Variants in KCNC2 observed in about 807,000 individuals in gnomAD.
KCNC2 encodes the protein voltage-gated potassium channel KCNC2.
KCNC2 carries 21 observed loss-of-function variants against 44.5 expected under a neutral mutation model. The observed-to-expected ratio is 0.47, with a 90% CI of 0.33 to 0.68. KCNC2 has a LOEUF of 0.68. KCNC2 is among the 30% of genes least tolerant of loss of function. The probability of loss-of-function intolerance (pLI) is 0.01; values close to 1 mark genes in which losing one functional copy is unlikely to be tolerated. For synonymous variants in KCNC2, 391 were observed against 339.1 expected (o/e 1.15, Z -1.68); for missense variants, 589 against 826.2 (o/e 0.71, Z 3.52).
chr12:75,153,555 A>G (rs1890554963), intron 2 of KCNC2, among the ~76,000 whole-genome samples: 1 of 151,854 alleles, frequency 6.6e-6, no homozygotes, highest in Non-Finnish European at 1.5e-5. Context: ...CTAAAAGCCC[A>G]GTCTTCACCA....
intron 2 of KCNC2, among the ~76,000 whole-genome samples, chr12:75,190,648 G>A (rs2030116911): frequency 6.6e-6 from 1 of 151,976 alleles, no homozygotes; most frequent in South Asian, 2.1e-4. Flanking sequence ...AGATATCCTC[G>A]GATATATGAA....
At chr12:75,071,486 A>T (rs1429549231) in intron 2 of KCNC2, among the ~76,000 whole-genome samples, 1 of 152,192 alleles carries the variant, frequency 6.6e-6, no homozygotes, top group African/African-American at 2.4e-5. Context: ...ATTGATAATT[A>T]TCCTATATCC....
chr12:75,174,544 G>C (rs966783582), intron 2 of KCNC2, among the ~76,000 whole-genome samples: 2 of 151,860 alleles, frequency 1.3e-5, no homozygotes, highest in Non-Finnish European at 2.9e-5. Flanking sequence ...GTCTGAAAAT[G>C]TTCCATATGT....
At chr12:75,087,298 T>C (rs1885108627) in intron 2 of KCNC2, among the ~76,000 whole-genome samples, 1 of 152,098 alleles carries the variant, frequency 6.6e-6, no homozygotes, top group Non-Finnish European at 1.5e-5. Context: ...AGGATACCTA[T>C]CTCTAATCAC....
intron 2 of KCNC2, among the ~76,000 whole-genome samples, chr12:75,122,160 C>T (rs534032847): frequency 1.2e-3 from 178 of 152,260 alleles, no homozygotes; most frequent in South Asian, 5.4e-3. Context: ...ACAGTGGAGA[C>T]ATCTCTGCCC....
At chr12:75,150,415 T>C (rs565663143) in intron 2 of KCNC2, among the ~76,000 whole-genome samples, 5 of 151,850 alleles carry the variant, frequency 3.3e-5, no homozygotes. Flanking sequence ...TCTTGATTTA[T>C]TTACTTGGTG....
intron 2 of KCNC2, among the ~76,000 whole-genome samples, chr12:75,150,820 T>G (rs1359931132): frequency 6.6e-6 from 1 of 151,916 alleles, no homozygotes; most frequent in Non-Finnish European, 1.5e-5. Flanking sequence ...AACTAGATTT[T>G]TCTTTATATC....
chr12:75,159,618 T>C (rs1890990521), intron 2 of KCNC2, among the ~76,000 whole-genome samples: 1 of 151,874 alleles, frequency 6.6e-6, no homozygotes, highest in African/African-American at 2.4e-5. Context: ...TTAAACTCAA[T>C]TTCTAACATC....
intron 2 of KCNC2, among the ~76,000 whole-genome samples, chr12:75,179,046 A>G (rs1168553089): frequency 1.3e-5 from 2 of 152,064 alleles, no homozygotes; most frequent in African/African-American, 4.8e-5. Context: ...TTCATAGGAA[A>G]AACAGAAACA....
At chr12:75,105,225 TA>T (rs1886688210) in intron 2 of KCNC2, among the ~76,000 whole-genome samples, 1 of 151,986 alleles carries the variant, frequency 6.6e-6, no homozygotes, top group African/African-American at 2.4e-5. Flanking sequence ...AGTGAGTGTG[TA>T]AAACATATAG....
At chr12:75,086,582 G>A (rs1885014042) in intron 2 of KCNC2, among the ~76,000 whole-genome samples, 1 of 150,518 alleles carries the variant, frequency 6.6e-6, no homozygotes, top group South Asian at 2.1e-4. Flanking sequence ...GTCAGCACCA[G>A]GCTTCAGGGA....
At chr12:75,053,518 T>C (rs1053468814) in intron 2 of KCNC2, among the ~76,000 whole-genome samples, 8 of 152,030 alleles carry the variant, frequency 5.3e-5, no homozygotes, top group Admixed American at 4.6e-4. Flanking sequence ...AACCAAAAGT[T>C]GCTTGTTTAT....
intron 2 of KCNC2, among the ~76,000 whole-genome samples, chr12:75,092,451 G>A (rs1471463327): frequency 6.6e-6 from 1 of 151,530 alleles, no homozygotes; most frequent in Non-Finnish European, 1.5e-5. Flanking sequence ...TGTAAAAATA[G>A]CTTAATCAGT....
At chr12:75,190,675 T>C (rs2030118993) in intron 2 of KCNC2, among the ~76,000 whole-genome samples, 1 of 152,298 alleles carries the variant, frequency 6.6e-6, no homozygotes, top group East Asian at 1.9e-4. Flanking sequence ...CAAAAATATA[T>C]TATATTCAAG....
intron 2 of KCNC2, among the ~76,000 whole-genome samples, chr12:75,206,386 G>C (rs369700126): frequency 6.6e-6 from 1 of 152,114 alleles, no homozygotes; most frequent in Non-Finnish European, 1.5e-5. Context: ...ATCATTATTG[G>C]TTACTTTTAT....
At chr12:75,062,036 A>T (rs1361456119) in intron 2 of KCNC2, among the ~76,000 whole-genome samples, 1 of 152,116 alleles carries the variant, frequency 6.6e-6, no homozygotes, top group African/African-American at 2.4e-5. Context: ...CAAAAATAAC[A>T]ATAGTAATAA....
chr12:75,176,702 T>C (rs758185366), intron 2 of KCNC2, among the ~76,000 whole-genome samples: 16 of 151,964 alleles, frequency 1.1e-4, no homozygotes, highest in Non-Finnish European at 1.8e-4. Context: ...TAAGAACATA[T>C]AGAATAATTC....
intron 2 of KCNC2, among the ~76,000 whole-genome samples, chr12:75,079,225 A>C (rs1301592194): frequency 6.6e-6 from 1 of 152,072 alleles, no homozygotes; most frequent in Non-Finnish European, 1.5e-5. Flanking sequence ...ATTGAGGAGA[A>C]TTGTTAAGCA....
intron 2 of KCNC2, among the ~76,000 whole-genome samples, chr12:75,107,942 A>G (rs1254809193): frequency 6.6e-6 from 1 of 152,220 alleles, no homozygotes; most frequent in Non-Finnish European, 1.5e-5. Flanking sequence ...ACATTATAAA[A>G]GACTTTTAAA....
Sources: gnomAD v4.1 joint callset for allele counts (sites outside exome capture counted in the v4.1 genomes callset) on GRCh38, gnomAD v4.1.1 for gene constraint, MANE v1.5 for transcripts, NCBI Gene and HGNC (gene_info 2026-07-23, HGNC 2026-07-21) for gene names.